KLHL1: variants seen among roughly 807,000 people sequenced by gnomAD.
The protein encoded by KLHL1 is kelch like family member 1.
Under a neutral mutation model 77.7 loss-of-function variants are expected in KLHL1, and 47 were observed. The ratio of observed to expected loss-of-function variants is 0.60; its 90% confidence interval spans 0.48 to 0.77. KLHL1 has a LOEUF of 0.77. Ranked by LOEUF, KLHL1 falls within the 30% of genes least tolerant of loss-of-function variation. KLHL1 has a pLI of 0.00. For synonymous variants in KLHL1, 360 were observed against 325.2 expected (o/e 1.11, Z -1.15); for missense variants, 925 against 910.8 (o/e 1.02, Z -0.20).
intron 4 of KLHL1, among the ~76,000 whole-genome samples, chr13:69,930,514 TA>T (rs1566414046): frequency 6.6e-6 from 1 of 151,794 alleles, no homozygotes; most frequent in African/African-American, 2.4e-5. Flanking sequence ...TCTTGCTGAA[TA>T]ATTAAGAAAA....
At chr13:69,884,045 G>A (rs748527620) in intron 4 of KLHL1, among the ~76,000 whole-genome samples, 1 of 152,182 alleles carries the variant, frequency 6.6e-6, no homozygotes, top group Non-Finnish European at 1.5e-5. Flanking sequence ...GTGCTAAACA[G>A]AGTAGAGGAT....
intron 4 of KLHL1, among the ~76,000 whole-genome samples, chr13:69,888,822 T>A (rs944099462): frequency 5.9e-5 from 9 of 152,014 alleles, no homozygotes; most frequent in South Asian, 4.1e-4. Flanking sequence ...ATTATAATTT[T>A]AAAAAAACTT....
chr13:69,977,809 A>T (rs1441545281), intron 1 of KLHL1, among the ~76,000 whole-genome samples: 1 of 152,174 alleles, frequency 6.6e-6, no homozygotes, highest in Admixed American at 6.6e-5. Flanking sequence ...AACAAAAAAC[A>T]TTATTTTTGA....
intron 4 of KLHL1, among the ~76,000 whole-genome samples, chr13:69,904,670 C>A (rs570415120): frequency 1.3e-5 from 2 of 152,080 alleles, no homozygotes; most frequent in East Asian, 1.9e-4. Context: ...CAAACACAGA[C>A]AATTTAAGTA....
At chr13:69,807,912 G>A (rs1363146588) in intron 6 of KLHL1, among the ~76,000 whole-genome samples, 1 of 152,170 alleles carries the variant, frequency 6.6e-6, no homozygotes, top group South Asian at 2.1e-4. Context: ...CTGCTCTTTT[G>A]GTCACTTGGG....
At chr13:69,904,740 T>C (rs973582748) in intron 4 of KLHL1, among the ~76,000 whole-genome samples, 8 of 152,260 alleles carry the variant, frequency 5.3e-5, no homozygotes, top group Admixed American at 4.6e-4. Flanking sequence ...ACAGTCTGGC[T>C]CCAGAGTTTA....
At chr13:69,771,532 T>C (rs923602820) in intron 7 of KLHL1, among the ~76,000 whole-genome samples, 2 of 152,212 alleles carry the variant, frequency 1.3e-5, no homozygotes, top group African/African-American at 4.8e-5. Context: ...CTCTTGTCTG[T>C]CATTTCATGC....
At chr13:70,100,487 G>T (rs184125283) in intron 1 of KLHL1, among the ~76,000 whole-genome samples, 1 of 152,082 alleles carries the variant, frequency 6.6e-6, no homozygotes, top group Admixed American at 6.6e-5. Flanking sequence ...TGACAAACTT[G>T]TATTCAAATA....
intron 4 of KLHL1, among the ~76,000 whole-genome samples, chr13:69,939,359 A>ACATATACATAC (rs1184224493): frequency 2.2e-5 from 2 of 91,196 alleles, no homozygotes; most frequent in Admixed American, 1.1e-4. Flanking sequence ...ATATATATAT[A>ACATATACATAC]TATATATATA....
intron 3 of KLHL1, among the ~76,000 whole-genome samples, chr13:69,941,161 GTTCTT>G (rs750089832): frequency 6.6e-6 from 1 of 151,942 alleles, no homozygotes; most frequent in Non-Finnish European, 1.5e-5. Flanking sequence ...CAGAATATAT[GTTCTT>G]TTCATCAGCA....
chr13:69,845,807 G>C (rs2911506), intron 5 of KLHL1, among the ~76,000 whole-genome samples: 1 of 151,230 alleles, frequency 6.6e-6, no homozygotes. Context: ...GTGGAGTTAC[G>C]ATGGAATACT....
chr13:69,790,720 A>G (rs1298156157), intron 7 of KLHL1, among the ~76,000 whole-genome samples: 1 of 152,210 alleles, frequency 6.6e-6, no homozygotes, highest in Non-Finnish European at 1.5e-5. Flanking sequence ...CAATAGATAC[A>G]GGAAAATCCA....
At chr13:69,797,385 T>C (rs1276637161) in intron 6 of KLHL1, among the ~76,000 whole-genome samples, 2 of 152,236 alleles carry the variant, frequency 1.3e-5, no homozygotes, top group African/African-American at 4.8e-5. Flanking sequence ...TTCTGAAAGT[T>C]AATTCAATAA....
intron 5 of KLHL1, among the ~76,000 whole-genome samples, chr13:69,877,810 A>G (rs79886976): frequency 0.019 from 2,868 of 152,220 alleles, 40 homozygotes; most frequent in Admixed American, 0.029. Context: ...TTTTGTCTAC[A>G]CTGCTCTTAT....
chr13:69,861,115 C>G (rs551443316), intron 5 of KLHL1, among the ~76,000 whole-genome samples: 1 of 152,012 alleles, frequency 6.6e-6, no homozygotes, highest in Admixed American at 6.6e-5. Context: ...GCCAAAGTAA[C>G]GCTAACTGGT....
At chr13:69,761,106 C>T (rs1227528996) in intron 7 of KLHL1, among the ~76,000 whole-genome samples, 1 of 152,076 alleles carries the variant, frequency 6.6e-6, no homozygotes, top group Non-Finnish European at 1.5e-5. Context: ...AAAAGAAAAC[C>T]TTAAGACAAA....
chr13:69,986,768 G>T (rs1593652471), intron 1 of KLHL1, among the ~76,000 whole-genome samples: 1 of 151,788 alleles, frequency 6.6e-6, no homozygotes, highest in East Asian at 1.9e-4. Context: ...TAGTGTTGAG[G>T]GGACAGGAAA....
intron 7 of KLHL1, among the ~76,000 whole-genome samples, chr13:69,745,023 C>G (rs2137937317): frequency 6.6e-6 from 1 of 151,930 alleles, no homozygotes; most frequent in Admixed American, 6.6e-5. Flanking sequence ...TGAGTAAATG[C>G]ATCTAAAAAG....
chr13:69,728,009 T>A (rs1275181304), intron 8 of KLHL1, among the ~76,000 whole-genome samples: 10 of 152,134 alleles, frequency 6.6e-5, no homozygotes, highest in African/African-American at 2.4e-4. Context: ...CCATCACATA[T>A]CCATTCTGGA....
Sources: allele counts gnomAD v4.1 joint callset (sites outside exome capture counted in the v4.1 genomes callset), GRCh38; gene constraint gnomAD v4.1.1; transcripts MANE v1.5; gene names NCBI Gene and HGNC (gene_info 2026-07-23, HGNC 2026-07-21).